Variants in HTR3B observed in about 807,000 individuals in gnomAD.
The protein encoded by HTR3B is 5-hydroxytryptamine receptor 3B.
A neutral mutation model predicts 42.8 loss-of-function variants in HTR3B; 44 were observed. The observed-to-expected ratio is 1.03, with a 90% CI of 0.81 to 1.32. HTR3B has a LOEUF of 1.32. Among genes scored for constraint, HTR3B ranks in the 40% most tolerant of loss-of-function variants. The probability of loss-of-function intolerance (pLI) is 0.00; values close to 1 mark genes in which losing one functional copy is unlikely to be tolerated. For missense variants in HTR3B, 527 were observed against 536.5 expected, an observed-to-expected ratio of 0.98 and a Z score of 0.17; for synonymous variants, 203 against 209.0, an observed-to-expected ratio of 0.97 and a Z score of 0.25.
chr11:113,899,512 G>GTTA, the HTR3B span, among the ~76,000 whole-genome samples: 1 of 152,230 alleles, frequency 6.6e-6, no homozygotes, highest in Non-Finnish European at 1.5e-5. Flanking sequence ...TAGCATGACT[G>GTTA]CCAAGGGAGT....
intron 6 of HTR3B, among the ~76,000 whole-genome samples, chr11:113,941,584 C>T (rs2137536357): frequency 6.6e-6 from 1 of 152,244 alleles, no homozygotes; most frequent in African/African-American, 2.4e-5. Flanking sequence ...CTCCTCCACC[C>T]CCTGCATCTG....
chr11:113,932,190 G>C, intron 4 of HTR3B, 99 bp from the exon 5 acceptor site: 1 of 974,440 alleles, frequency 1.0e-6, no homozygotes, highest in Admixed American at 2.1e-5. Context: ...GGCTAGGCTG[G>C]TCCTGGACCT....
chr11:113,939,494 C>A (rs933617852), intron 6 of HTR3B, among the ~76,000 whole-genome samples: 12 of 152,166 alleles, frequency 7.9e-5, no homozygotes, highest in Admixed American at 2.0e-4. Context: ...AGCCTGCCTA[C>A]CTCCTAACCT....
intron 2 of HTR3B, among the ~76,000 whole-genome samples, chr11:113,930,032 G>A (rs964420496): frequency 2.0e-5 from 3 of 152,136 alleles, no homozygotes; most frequent in Non-Finnish European, 4.4e-5. Flanking sequence ...CACCGCACCC[G>A]GCCTCGCCCA....
intron 7 of HTR3B, 143 bp from the exon 8 acceptor site, chr11:113,944,430 C>T (rs1003629904): frequency 2.1e-5 from 15 of 702,850 alleles, no homozygotes; most frequent in Admixed American, 5.3e-5. Context: ...CAGCCCAATA[C>T]GTTAAGGCTA....
intron 6 of HTR3B, among the ~76,000 whole-genome samples, chr11:113,939,486 C>A (rs997377023): frequency 1.3e-5 from 2 of 152,204 alleles, no homozygotes; most frequent in Non-Finnish European, 2.9e-5. Context: ...ATCCACAAAG[C>A]CTGCCTACCT....
chr11:113,901,170 A>AGTGGGTGTT, upstream of HTR3B, among the ~76,000 whole-genome samples: 1 of 152,154 alleles, frequency 6.6e-6, no homozygotes, highest in East Asian at 1.9e-4. Flanking sequence ...AGCTGGGTGT[A>AGTGGGTGTT]GTGGTGCATG....
chr11:113,919,147 G>A (rs1056127359), intron 2 of HTR3B, among the ~76,000 whole-genome samples: 1 of 151,730 alleles, frequency 6.6e-6, no homozygotes, highest in Non-Finnish European at 1.5e-5. Flanking sequence ...GCTTTTTAGC[G>A]ATCCATCTTT....
chr11:113,922,029 G>C (rs1222848624), intron 2 of HTR3B, among the ~76,000 whole-genome samples: 1 of 152,062 alleles, frequency 6.6e-6, no homozygotes, highest in African/African-American at 2.4e-5. Flanking sequence ...TGGACCCATG[G>C]TTGTTTCCTG....
In HTR3B at chr11:113,947,939, CT is replaced by C. The variant is rs1455305593; in HGVS notation, c.*1807del. Among the ~76,000 whole-genome samples the C allele has an allele frequency of 6.6e-6, 1 of 152,168 alleles. No homozygotes were observed. The highest frequency in any genetic ancestry group is 1.5e-5 in the Non-Finnish European group (1 of 68,030). On this transcript the variant is annotated 3_prime_UTR_variant, in exon 9 of 9. Coordinates refer to ENST00000260191, the MANE Select transcript of HTR3B (RefSeq NM_006028.5). ...AAGTCCAAAAGCTGTTTGCTAGAAA[CT>C]TTTTCCAGCACTAAAATTGCCTTTA... is the stretch of plus-strand genomic sequence containing the variant.
At chr11:113,921,612 C>A (rs1248024508) in intron 2 of HTR3B, among the ~76,000 whole-genome samples, 8 of 144,998 alleles carry the variant, frequency 5.5e-5, no homozygotes, top group Non-Finnish European at 1.0e-4. Flanking sequence ...AATGAGACTC[C>A]GTCTCAAAAA....
upstream of HTR3B, among the ~76,000 whole-genome samples, chr11:113,901,649 A>G (rs1949698498): frequency 6.6e-6 from 1 of 152,204 alleles, no homozygotes; most frequent in Admixed American, 6.5e-5. Flanking sequence ...CAGCCAATAA[A>G]GAGCCATAAT....
chr11:113,932,434 A>G lies in HTR3B; in HGVS notation c.514A>G (p.Thr172Ala), dbSNP rs755076409. The change falls in exon 5 of 9, where the codon ACC (threonine) becomes GCC (alanine). Residue 172 changes from threonine (T) to alanine (A), a missense_variant. Transcript: ENST00000260191. ...FPFDVQNCSL[T>A]FKSILHTVED... ...ATTTGATGTCCAGAATTGCAGCCTG[A>G]CCTTCAAGAGCATTCTGCATACAGG... 6.2e-7 allele frequency: 1 copy of G among 1,614,062 alleles called. No individual in the cohort carries two copies. Among genetic ancestry groups the G allele is most frequent in the East Asian group, 2.2e-5 (1 of 44,884 alleles).
intron 2 of HTR3B, among the ~76,000 whole-genome samples, chr11:113,928,960 A>G (rs1037370523): frequency 6.6e-6 from 1 of 152,256 alleles, no homozygotes; most frequent in Admixed American, 6.5e-5. Flanking sequence ...ATTGTGAATA[A>G]TGCTGCTATG....
intron 6 of HTR3B, among the ~76,000 whole-genome samples, chr11:113,937,883 C>CTGTA (rs1315399825): frequency 7.9e-5 from 12 of 152,218 alleles, no homozygotes; most frequent in Admixed American, 2.0e-4. Context: ...CATTTTCTTG[C>CTGTA]AGTTATGTAG....
chr11:113,932,529 A>C, intron 5 of HTR3B, 71 bp downstream of exon 5: 1 of 1,239,206 alleles, frequency 8.1e-7, no homozygotes, highest in Non-Finnish European at 1.1e-6. Flanking sequence ...ACTATCCTTC[A>C]GGTCTATTTT....
At position 113,944,585 on chromosome 11, in the gene HTR3B, C is replaced by T; in HGVS notation, c.920C>T (p.Thr307Ile). The change falls in exon 8 of 9, where the codon ACC becomes ATC. Residue 307 changes from threonine (T) to isoleucine (I), a missense_variant. Physicochemically the swap from Thr to Ile is moderately conservative, Grantham distance 89. Coordinates refer to ENST00000260191, the MANE Select transcript of HTR3B (RefSeq NM_006028.5). ...GSTPLIGHFFTICMAFLVLSL... is the reference protein window; with the variant it reads ...GSTPLIGHFFIICMAFLVLSL... ...TGGCTTCTCTCAGGGCACTTCTTCA[C>T]CATCTGCATGGCCTTCTTGGTTCTC... 2 of 1,614,060 alleles carry T rather than the reference C, an allele frequency of 1.2e-6. No homozygotes were observed. The highest frequency in any genetic ancestry group is 2.7e-5 in the African/African-American group (2 of 75,060).
upstream of HTR3B, among the ~76,000 whole-genome samples, chr11:113,903,872 C>G (rs1010645753): frequency 3.9e-5 from 6 of 152,136 alleles, no homozygotes; most frequent in African/African-American, 1.4e-4. Flanking sequence ...AGTAAGAAAG[C>G]AATTAGGCTA....
At chr11:113,906,203 T>C (rs1395991045) in intron 1 of HTR3B, among the ~76,000 whole-genome samples, 3 of 152,218 alleles carry the variant, frequency 2.0e-5, no homozygotes, top group African/African-American at 4.8e-5. Context: ...CAGAAAGACC[T>C]GCCCTGTGGA....
Sources: allele counts gnomAD v4.1 joint callset (sites outside exome capture counted in the v4.1 genomes callset), GRCh38; gene constraint gnomAD v4.1.1; transcripts MANE v1.5; gene names NCBI Gene and HGNC (gene_info 2026-07-23, HGNC 2026-07-21).